Variants in MUC12 observed in about 807,000 individuals in gnomAD.
MUC12 encodes the protein mucin-12.
Under a neutral mutation model 230.8 loss-of-function variants are expected in MUC12, and 172 were observed. The observed-to-expected ratio is 0.75, with a 90% CI of 0.66 to 0.85. MUC12 has a LOEUF of 0.85. Among genes scored for constraint, MUC12 ranks in the 40% least tolerant of loss-of-function variants. The pLI is 0.00. For synonymous variants in MUC12, 1,259 were observed against 2,401.9 expected, an observed-to-expected ratio of 0.52 and a Z score of 13.91; for missense variants, 3,506 against 5,920.6, an observed-to-expected ratio of 0.59 and a Z score of 13.38.
At position 101,013,014 on chromosome 7, in the gene MUC12, C is replaced by A; in HGVS notation, c.15510C>A (p.Thr5170=). ...QCTQKAAEGY[T]QFYYVDVLDG... is the part of the protein sequence containing the mutation. The stretch of plus-strand genomic sequence containing the variant: ...CCCAGAAGGCTGCCGAAGGATATAC[C>A]CAGTTCTACTATGTGGATGTCTTGG... Residue 5170 remains threonine, a synonymous_variant, in exon 8 of 12, where the codon ACC becomes ACA. Coordinates refer to ENST00000536621, the MANE Select transcript of MUC12 (RefSeq NM_001164462.2). 6.5e-7 allele frequency: 1 copy of A among 1,537,348 alleles called. No homozygotes were observed.
rs770533529 is a variant in MUC12 at position 100,991,963 on chromosome 7, C to A, written c.1400C>A (p.Pro467His). Residue 467 changes from proline to histidine, a missense_variant, in exon 2 of 12, where the codon CCC (proline) becomes CAC (histidine). Coordinates refer to ENST00000536621, the MANE Select transcript of MUC12 (RefSeq NM_001164462.2). ...TPSVLVGDST[P>H]SPISSGSMET... ...TCAGTTCTTGTTGGAGACTCGACGC[C>A]CTCACCCATCAGTTCAGGCTCAATG... The A allele has an allele frequency of 1.3e-5, 20 of 1,537,790 alleles. No homozygotes were observed. Among genetic ancestry groups the A allele is most frequent in the East Asian group, 7.3e-5 (3 of 40,934 alleles).
At chr7:100,970,990 G>A (rs1235901599) in intron 1 of MUC12, among the ~76,000 whole-genome samples, 1 of 147,874 alleles carries the variant, frequency 6.8e-6, no homozygotes, top group African/African-American at 2.5e-5. Flanking sequence ...GCGAGACTCC[G>A]TCTCAAAAAA....
At position 101,004,801 on chromosome 7, in the gene MUC12, A is replaced by T. The variant is rs1285539879; in HGVS notation, c.14238A>T (p.Arg4746Ser). 6.5e-7 allele frequency: 1 copy of T among 1,537,648 alleles called. No homozygotes were observed. Among genetic ancestry groups the T allele is most frequent in the East Asian group, 2.4e-5 (1 of 40,916 alleles). ...CTACCATCCTTTACAGTAGCTCCAG[A>T]TCACCAGACCAAACACTCTCACCTG... ...AKSTILYSSSRSPDQTLSPAS... is the reference protein window; with the variant it reads ...AKSTILYSSSSSPDQTLSPAS... Residue 4746 changes from arginine (R) to serine (S), a missense_variant, in exon 2 of 12, where the codon AGA (arginine) becomes AGT (serine). Coordinates refer to ENST00000536621, the MANE Select transcript of MUC12 (RefSeq NM_001164462.2).
intron 1 of MUC12, among the ~76,000 whole-genome samples, chr7:100,971,805 C>T (rs1310758634): frequency 6.6e-6 from 1 of 152,424 alleles, no homozygotes; most frequent in Admixed American, 6.5e-5. Flanking sequence ...TCAGATTATT[C>T]AAGGAGAGGG....
At chr7:101,005,570 C>G in intron 2 of MUC12, 51 bp downstream of exon 2, 1 of 1,482,922 alleles carries the variant, frequency 6.7e-7, no homozygotes, top group South Asian at 1.3e-5. Context: ...CAGGCCTGTC[C>G]ATGAGTCTTC....
Position 101,005,032 on chromosome 7 carries a change from C to G in MUC12, c.14469C>G (p.Thr4823=). 5 of 1,537,746 alleles carry G rather than the reference C, an allele frequency of 3.3e-6. No homozygotes were observed. Among genetic ancestry groups the G allele is most frequent in the Non-Finnish European group, 4.4e-6 (5 of 1,147,012 alleles). Residue 4823 remains threonine (T), a synonymous_variant, in exon 2 of 12, where the codon ACC becomes ACG. Transcript: ENST00000536621. Reference sequence around the variant, plus strand: ...CTTCATCTTTTGCTCAAGAATTTACCACCCCTCATAGCCAACCAGGCTCAG... The same window carrying G: ...CTTCATCTTTTGCTCAAGAATTTACGACCCCTCATAGCCAACCAGGCTCAG... ...ITTSSFAQEF[T]TPHSQPGSAL...
chr7:100,983,585 C>T lies in MUC12; in HGVS notation c.68-7046C>T, dbSNP rs6969835. ...CCTCTACAGGGCCAACTGAACAGGGCAGAAATGTTCTCTACCCTCACGGAG... is the reference window on the plus strand; with the variant it reads ...CCTCTACAGGGCCAACTGAACAGGGTAGAAATGTTCTCTACCCTCACGGAG... On this transcript the variant is annotated intron_variant, in intron 1 of 11. Transcript: ENST00000536621. 8.1e-3 allele frequency among the ~76,000 whole-genome samples: 1,230 copies of T among 152,260 alleles called. 24 individuals are homozygous for T. The highest frequency in any genetic ancestry group is 0.029 in the African/African-American group (1,189 of 41,544).
chr7:101,007,198 A>T (rs1414822826), intron 3 of MUC12, among the ~76,000 whole-genome samples: 1 of 152,230 alleles, frequency 6.6e-6, no homozygotes, highest in Non-Finnish European at 1.5e-5. Flanking sequence ...ATCTTAGGTG[A>T]TCCTCCTGCC....
intron 1 of MUC12, among the ~76,000 whole-genome samples, chr7:100,970,431 G>A (rs1584820814): frequency 6.6e-6 from 1 of 150,914 alleles, no homozygotes; most frequent in East Asian, 2.0e-4. Flanking sequence ...AGTTTGCAGT[G>A]AGGCAAGATT....
At chr7:100,990,349 C>A (rs989347999) in intron 1 of MUC12, among the ~76,000 whole-genome samples, 1 of 152,172 alleles carries the variant, frequency 6.6e-6, no homozygotes, top group Non-Finnish European at 1.5e-5. Flanking sequence ...CAAAACCATT[C>A]CCCCAATAGC....
chr7:100,982,197 G>A (rs904731133), intron 1 of MUC12, among the ~76,000 whole-genome samples: 12 of 151,940 alleles, frequency 7.9e-5, no homozygotes, highest in African/African-American at 2.9e-4. Flanking sequence ...GCACAGTTGG[G>A]ATCATGGCTT....
At position 101,018,917 on chromosome 7, in the gene MUC12, A is replaced by C; in HGVS notation, c.*281A>C. 2.4e-6 allele frequency: 1 copy of C among 415,790 alleles called. No homozygotes were observed. Among genetic ancestry groups the C allele is most frequent in the Non-Finnish European group, 4.2e-6 (1 of 236,320 alleles). The allele number at this position is 415,790 out of a possible 1,614,324, so 25.8% of individuals were successfully genotyped here. On this transcript the variant is annotated 3_prime_UTR_variant, in exon 12 of 12. Transcript: ENST00000536621. ...CCACTCTGGAATTTCCCTACCAATA[A>C]AAGCAAATCTGAAAGCTCAGAATGA...
At chr7:100,969,936 G>T (rs1199101379) in intron 1 of MUC12, among the ~76,000 whole-genome samples, 1 of 152,304 alleles carries the variant, frequency 6.6e-6, no homozygotes, top group Admixed American at 6.5e-5. Context: ...GCTGAGGGGC[G>T]GCTGAAATCC....
At position 101,005,045 on chromosome 7, in the gene MUC12, C is replaced by T. The variant is rs1256811314; in HGVS notation, c.14482C>T (p.Gln4828Ter). 3.3e-6 allele frequency: 5 copies of T among 1,537,802 alleles called. No homozygotes were observed. The South Asian group carries it at 5.9e-5, about 18-fold the overall frequency. ...FAQEFTTPHSQPGSALSTVSP... is the reference protein window; with the variant it reads ...FAQEFTTPHS ...TCAAGAATTTACCACCCCTCATAGC[C>T]AACCAGGCTCAGCTCTGTCAACAGT... The change falls in exon 2 of 12, where the codon CAA becomes TAA. Residue 4828 changes from glutamine (Q) to a stop codon, truncating the protein, a stop_gained. Transcript: ENST00000536621. LOFTEE classifies it high-confidence loss of function.
rs1054248796 is a variant in MUC12 at position 101,018,642 on chromosome 7, C to T, written c.*6C>T. 1.9e-5 allele frequency: 29 copies of T among 1,535,236 alleles called. No individual in the cohort carries two copies. In the Admixed American group the frequency reaches 2.6e-4, roughly 14 times the overall value. On this transcript the variant is annotated 3_prime_UTR_variant, in exon 12 of 12. Transcript: ENST00000536621. ...TGGTAGCATCCACTGTGTGAGCCAA[C>T]GGGGGCCTCCCACCCTCATCTAGCT...
chr7:101,015,371 T>C, intron 9 of MUC12: 1 of 529,498 alleles, frequency 1.9e-6, no homozygotes, highest in South Asian at 2.2e-5. Flanking sequence ...CGCCCCCATC[T>C]CATGGATATG....
At chr7:101,010,848 C>T (rs1028610662) in intron 5 of MUC12, among the ~76,000 whole-genome samples, 1 of 152,020 alleles carries the variant, frequency 6.6e-6, no homozygotes, top group African/African-American at 2.4e-5. Context: ...TGGGGTCTTG[C>T]TATGTTGCCC....
At chr7:101,008,792 G>C (rs1460288584) in intron 4 of MUC12, 31 bp downstream of exon 4, 2 of 1,526,406 alleles carry the variant, frequency 1.3e-6, no homozygotes, top group African/African-American at 2.8e-5. Context: ...GACACCCCAG[G>C]GTGATGTCCC....
rs1008772843 is a variant in MUC12, at chr7:101,005,404, C to T, written c.14841C>T (p.Leu4947=). 2.6e-6 allele frequency: 4 copies of T among 1,537,932 alleles called. No individual in the cohort carries two copies. Among genetic ancestry groups the T allele is most frequent in the Non-Finnish European group, 3.5e-6 (4 of 1,147,066 alleles). Residue 4947 remains leucine, a synonymous_variant, in exon 2 of 12, where the codon CTC becomes CTT. Coordinates refer to ENST00000536621, the MANE Select transcript of MUC12 (RefSeq NM_001164462.2). ...YISPSPTYTT[L]FPASSSTSGL... The stretch of plus-strand genomic sequence containing the variant: ...GCCCATCCCCTACTTACACAACACT[C>T]TTTCCTGCGAGTTCCAGCACATCAG...
Sources: allele counts gnomAD v4.1 joint callset (sites outside exome capture counted in the v4.1 genomes callset), GRCh38; gene constraint gnomAD v4.1.1; transcripts MANE v1.5; gene names NCBI Gene and HGNC (gene_info 2026-07-23, HGNC 2026-07-21).